KCNT1: variants seen among roughly 807,000 people sequenced by gnomAD.
The protein encoded by KCNT1 is potassium channel subfamily T member 1.
Under a neutral mutation model 147.8 loss-of-function variants are expected in KCNT1, and 78 were observed. The observed-to-expected ratio is 0.53, with a 90% CI of 0.44 to 0.64. The LOEUF (loss-of-function observed/expected upper bound fraction) is 0.64, where lower values mean the gene tolerates loss of function less well. KCNT1 is among the 30% of genes least tolerant of loss of function. The pLI, the probability that KCNT1 is intolerant of heterozygous loss-of-function variation, is 0.00. For missense variants in KCNT1, 1,419 were observed against 1,750.3 expected (o/e 0.81, Z 3.38); for synonymous variants, 867 against 748.8 (o/e 1.16, Z -2.58).
At chr9:135,751,701 C>T (rs1831182652) in intron 4 of KCNT1, among the ~76,000 whole-genome samples, 1 of 152,214 alleles carries the variant, frequency 6.6e-6, no homozygotes, top group Non-Finnish European at 1.5e-5. Flanking sequence ...GCAACTCCTG[C>T]TCACCTCTGT....
At chr9:135,721,426 G>T (rs557466265) in intron 2 of KCNT1, among the ~76,000 whole-genome samples, 88 of 152,204 alleles carry the variant, frequency 5.8e-4, no homozygotes, top group Non-Finnish European at 8.2e-4. Flanking sequence ...TCGCCCTGGG[G>T]CCCTTTCCAG....
chr9:135,757,772 C>T lies in KCNT1; in HGVS notation c.759+391C>T, dbSNP rs372835817. On this transcript the variant is annotated intron_variant, in intron 9 of 30. Transcript: ENST00000371757. ...TGAGCATCTCAGGAAACCTGGGCCA[C>T]GGGGCCACAGGCAGGCCCTGCTCTG... Among the ~76,000 whole-genome samples the T allele has an allele frequency of 1.3e-4, 20 of 152,252 alleles. No individual in the cohort carries two copies. In the East Asian group the frequency reaches 1.5e-3, roughly 12 times the overall value.
At position 135,714,897 on chromosome 9, in the gene KCNT1, C is replaced by A. The variant is rs1047438274; in HGVS notation, c.254+177C>A. 1.3e-5 allele frequency among the ~76,000 whole-genome samples: 2 copies of A among 152,156 alleles called. No homozygotes were observed. Among genetic ancestry groups the A allele is most frequent in the African/African-American group, 4.8e-5 (2 of 41,444 alleles). ...CGGAGGGGGTGCGGGCAGGGGGAAG[C>A]ATCTTCTCGGGAGGGGGTCTCCGGA... On this transcript the variant is annotated intron_variant, in intron 2 of 30. Coordinates refer to ENST00000371757, the MANE Select transcript of KCNT1 (RefSeq NM_020822.3). This position sits in a 1 kb window ranked among gnomAD's most constrained non-coding sequence, Gnocchi z 6.2.
intron 9 of KCNT1, 30 bp downstream of exon 9, chr9:135,757,411 C>A: frequency 6.3e-7 from 1 of 1,586,348 alleles, no homozygotes. Flanking sequence ...GCAGCTGGGA[C>A]TTGGGGGGGC....
chr9:135,715,354 T>G (rs1835681841), intron 2 of KCNT1, among the ~76,000 whole-genome samples: 1 of 152,236 alleles, frequency 6.6e-6, no homozygotes, highest in African/African-American at 2.4e-5. Flanking sequence ...TCTCCTCCTT[T>G]TCCCCAAATA....
At chr9:135,747,926 C>G (rs1830930231) in intron 2 of KCNT1, among the ~76,000 whole-genome samples, 1 of 152,172 alleles carries the variant, frequency 6.6e-6, no homozygotes, top group Admixed American at 6.5e-5. Context: ...CTGGACCCTT[C>G]TTCATTTCAT....
Position 135,791,654 on chromosome 9 carries a change from A to G in KCNT1, c.3503-143A>G. ...TCAGGGATGGGCCCTGGCTGGGCTC[A>G]CCAGGATGAGGTGCTGGAGCAGAAT... On this transcript the variant is annotated intron_variant, in intron 29 of 30. Transcript: ENST00000371757. 3 of 720,296 alleles carry G rather than the reference A, an allele frequency of 4.2e-6. No homozygotes were observed. In the South Asian group the frequency reaches 4.8e-5, roughly 12 times the overall value. 44.6% of individuals were successfully genotyped at this position (720,296 alleles called of 1,614,324 possible). A position where few individuals can be genotyped will look rare whatever the true frequency, so the allele number is the denominator to read the frequency against.
chr9:135,722,728 G>A (rs1325457197), intron 2 of KCNT1, among the ~76,000 whole-genome samples: 1 of 152,168 alleles, frequency 6.6e-6, no homozygotes, highest in African/African-American at 2.4e-5. Context: ...TTCTCACTGC[G>A]CCCACGGGGC....
chr9:135,759,204 TG>T (rs944682840), intron 10 of KCNT1, among the ~76,000 whole-genome samples: 5 of 152,268 alleles, frequency 3.3e-5, no homozygotes, highest in African/African-American at 9.6e-5. Flanking sequence ...GCCTCAGGCC[TG>T]GGCGCTTGTC....
intron 29 of KCNT1, among the ~76,000 whole-genome samples, chr9:135,788,330 CAG>C (rs1183188988): frequency 2.0e-5 from 3 of 152,268 alleles, no homozygotes; most frequent in Admixed American, 6.5e-5. Flanking sequence ...CGCATGCCGA[CAG>C]AGTGTCCCCT....
intron 6 of KCNT1, among the ~76,000 whole-genome samples, chr9:135,755,811 G>T (rs1831445811): frequency 6.7e-6 from 1 of 149,104 alleles, no homozygotes; most frequent in African/African-American, 2.5e-5. Flanking sequence ...CTCAGTAAAT[G>T]CTGAGGACAA....
chr9:135,781,301 C>G (rs909185628), intron 24 of KCNT1, among the ~76,000 whole-genome samples: 6 of 152,222 alleles, frequency 3.9e-5, no homozygotes, highest in African/African-American at 1.4e-4. Flanking sequence ...GACAGATGCC[C>G]TGGGCCCTGG....
Position 135,740,672 on chromosome 9 carries a change from G to A in KCNT1, c.255-9426G>A, listed in dbSNP as rs139365469. ...GACCCTCTCCTGGGAGGGAGGTGACGGCTTCGGGTGCAGGTTCTGTTCGTG... is the reference window on the plus strand; with the variant it reads ...GACCCTCTCCTGGGAGGGAGGTGACAGCTTCGGGTGCAGGTTCTGTTCGTG... On this transcript the variant is annotated intron_variant, in intron 2 of 30. Coordinates refer to ENST00000371757, the MANE Select transcript of KCNT1 (RefSeq NM_020822.3). 7.2e-5 allele frequency among the ~76,000 whole-genome samples: 11 copies of A among 152,368 alleles called. No individual in the cohort carries two copies. In the East Asian group the frequency reaches 1.7e-3, roughly 24 times the overall value.
rs1306973135 is a variant in KCNT1, at chr9:135,777,447, C to T, written c.2459C>T (p.Pro820Leu). Residue 820 changes from proline to leucine, a missense_variant, in exon 21 of 31, where the codon CCA (proline) becomes CTA (leucine). Physicochemically the swap from Pro to Leu is moderately conservative, Grantham distance 98. Coordinates refer to ENST00000371757, the MANE Select transcript of KCNT1 (RefSeq NM_020822.3). ...AGNGLYNFIV[P>L]LRAYYRSRKE... ...AATGGGCTGTACAACTTCATCGTGC[C>T]ACTGCGGGCCTACTACAGATCCCGC... 5 of 1,613,960 alleles carry T rather than the reference C, an allele frequency of 3.1e-6. No individual in the cohort carries two copies. The highest frequency in any genetic ancestry group is 1.7e-5 in the Admixed American group (1 of 59,998).
rs189985513 is a variant in KCNT1 at position 135,779,253 on chromosome 9, A to G, written c.2730-106A>G. The G allele has an allele frequency of 1.3e-4, 33 of 248,154 alleles. 2 individuals carry two copies. The African/African-American group carries it at 1.5e-3, about 11-fold the overall frequency. The allele number at this position is 248,154 out of a possible 1,614,324, so 15.4% of individuals were successfully genotyped here. A position where few individuals can be genotyped will look rare whatever the true frequency, so the allele number is the denominator to read the frequency against. On this transcript the variant is annotated intron_variant, in intron 23 of 30. Coordinates refer to ENST00000371757, the MANE Select transcript of KCNT1 (RefSeq NM_020822.3). Reference sequence around the variant, plus strand: ...CCTGCCCTGAGACCCCCCCACAGCCATGGGACCCCGCCCTGAGACCCCCAC... The same window carrying G: ...CCTGCCCTGAGACCCCCCCACAGCCGTGGGACCCCGCCCTGAGACCCCCAC...
intron 29 of KCNT1, chr9:135,791,381 C>G (rs560247868): frequency 4.3e-6 from 1 of 232,194 alleles, no homozygotes; most frequent in East Asian, 1.2e-4. Context: ...AGAGGTGAAT[C>G]TGCAGGTGTG....
chr9:135,744,684 C>T (rs528159725), intron 2 of KCNT1, among the ~76,000 whole-genome samples: 3 of 152,334 alleles, frequency 2.0e-5, no homozygotes, highest in Admixed American at 6.5e-5. Flanking sequence ...ACAAGTTGTT[C>T]GCCATGGGCC....
At chr9:135,727,979 G>T (rs746900473) in intron 2 of KCNT1, among the ~76,000 whole-genome samples, 1 of 152,284 alleles carries the variant, frequency 6.6e-6, no homozygotes, top group Non-Finnish European at 1.5e-5. Context: ...AAAGAGGGCG[G>T]CAAAGAGGGT....
intron 11 of KCNT1, among the ~76,000 whole-genome samples, chr9:135,761,164 A>G (rs1439503655): frequency 6.6e-6 from 1 of 152,068 alleles, no homozygotes; most frequent in East Asian, 1.9e-4. Flanking sequence ...GCTTTGATTC[A>G]CCAATCTTTC....
Sources: allele counts gnomAD v4.1 joint callset (sites outside exome capture counted in the v4.1 genomes callset), GRCh38; gene constraint gnomAD v4.1.1; non-coding constraint Gnocchi (gnomAD v3.1); transcripts MANE v1.5; gene names NCBI Gene and HGNC (gene_info 2026-07-23, HGNC 2026-07-21).